Variants in TRIM16 observed in about 807,000 individuals in gnomAD.
TRIM16 encodes the protein tripartite motif-containing protein 16.
TRIM16 carries 33 observed loss-of-function variants against 50.4 expected under a neutral mutation model. The observed-to-expected ratio is 0.65, with a 90% CI of 0.50 to 0.88. The LOEUF (loss-of-function observed/expected upper bound fraction) is 0.88. Ranked by LOEUF, TRIM16 falls within the 40% of genes least tolerant of loss-of-function variation. The pLI is 0.00. For missense variants in TRIM16, 581 were observed against 686.8 expected (o/e 0.85, Z 1.72); for synonymous variants, 229 against 270.7 (o/e 0.85, Z 1.51).
At chr17:15,674,347 TG>T (rs1988839288) in intron 6 of TRIM16, among the ~76,000 whole-genome samples, 1 of 151,148 alleles carries the variant, frequency 6.6e-6, no homozygotes, top group Non-Finnish European at 1.5e-5. Flanking sequence ...TCCAGCCTGG[TG>T]ACAGAGCAAG....
At chr17:15,680,294 TA>T in intron 4 of TRIM16, among the ~76,000 whole-genome samples, 3 of 148,434 alleles carry the variant, frequency 2.0e-5, no homozygotes, top group Middle Eastern at 6.8e-3. Context: ...TCCAAGTCCA[TA>T]CAGCATTTTC....
intron 6 of TRIM16, among the ~76,000 whole-genome samples, chr17:15,674,587 C>T (rs1418684334): frequency 6.6e-6 from 1 of 152,056 alleles, no homozygotes; most frequent in East Asian, 1.9e-4. Context: ...CCTGAGCTCC[C>T]AGCACTGGCA....
chr17:15,662,010 C>A (rs1467806424), intron 6 of TRIM16, among the ~76,000 whole-genome samples: 1 of 152,138 alleles, frequency 6.6e-6, no homozygotes, highest in African/African-American at 2.4e-5. Context: ...TTTGTTTTTT[C>A]TTCCACAGTT....
At chr17:15,670,280 T>C (rs1252026920) in intron 6 of TRIM16, among the ~76,000 whole-genome samples, 3 of 152,126 alleles carry the variant, frequency 2.0e-5, no homozygotes, top group African/African-American at 4.8e-5. Flanking sequence ...ATCCAGACTC[T>C]ATTCCCAGGC....
intron 6 of TRIM16, among the ~76,000 whole-genome samples, chr17:15,666,926 T>C (rs1267863655): frequency 1.3e-5 from 2 of 152,262 alleles, no homozygotes; most frequent in Non-Finnish European, 2.9e-5. Context: ...CTTACGGGCA[T>C]CGTGTAAGAA....
chr17:15,641,131 C>G (rs1331791350), intron 8 of TRIM16, among the ~76,000 whole-genome samples: 1 of 148,128 alleles, frequency 6.8e-6, no homozygotes, highest in Non-Finnish European at 1.5e-5. Context: ...AGGTTGACTT[C>G]TGCTGTGGCC....
rs113357227 is a variant in TRIM16 at position 15,632,806 on chromosome 17, T to C, written c.850-132A>G. 23 of 1,237,986 alleles carry C rather than the reference T, an allele frequency of 1.9e-5. No homozygotes were observed. The African/African-American group carries it at 3.6e-4, about 19-fold the overall frequency. 76.7% of individuals were successfully genotyped at this position (1,237,986 alleles called of 1,614,324 possible). A position where few individuals can be genotyped will look rare whatever the true frequency, so the allele number is the denominator to read the frequency against. ...ATGTGTCCTTCACAAAGAAAGTACA[T>C]GTGAAGTGTCAAGCTCAGGGTCTAA... On this transcript the variant is annotated intron_variant, in intron 9 of 11. Coordinates refer to ENST00000649191, the MANE Select transcript of TRIM16 (RefSeq NM_001348119.1).
intron 11 of TRIM16, among the ~76,000 whole-genome samples, chr17:15,629,740 C>G (rs1986312999): frequency 6.6e-6 from 1 of 152,220 alleles, no homozygotes; most frequent in Non-Finnish European, 1.5e-5. Flanking sequence ...AAGTCAAGCT[C>G]TATGTCATTT....
chr17:15,637,346 G>A (rs1986839881), intron 8 of TRIM16, among the ~76,000 whole-genome samples: 1 of 114,662 alleles, frequency 8.7e-6, no homozygotes, highest in Non-Finnish European at 1.8e-5. Flanking sequence ...GGAGGGAGAT[G>A]GGGGGGTCAG....
At chr17:15,674,859 C>A (rs1988861677) in intron 6 of TRIM16, among the ~76,000 whole-genome samples, 1 of 152,088 alleles carries the variant, frequency 6.6e-6, no homozygotes, top group Non-Finnish European at 1.5e-5. Context: ...TGAGGTAAAG[C>A]AAACAAAAGC....
rs1367504972 is a variant in TRIM16 at position 15,634,351 on chromosome 17, C to T, written c.850-1677G>A. On this transcript the variant is annotated intron_variant, in intron 9 of 11. Transcript: ENST00000649191. ...TCTCGAAAAAACAAAAAAAATTGGC[C>T]GGGCGCGGTGGCTCACTCCTGTAAT... Among the ~76,000 whole-genome samples the T allele has an allele frequency of 1.5e-4, 22 of 142,662 alleles. 2 individuals are homozygous for T. Among genetic ancestry groups the T allele is most frequent in the South Asian group, 1.4e-3 (6 of 4,336 alleles). The allele number at this position is 142,662 out of a possible 152,430, so 93.6% of individuals were successfully genotyped here. A position where few individuals can be genotyped will look rare whatever the true frequency, so the allele number is the denominator to read the frequency against.
rs762243811 is a variant in TRIM16 at position 15,636,138 on chromosome 17, G to A, written c.747C>T (p.Asn249=). The A allele has an allele frequency of 1.6e-5, 25 of 1,610,086 alleles. 2 individuals carry two copies. Among genetic ancestry groups the A allele is most frequent in the South Asian group, 3.3e-5 (3 of 90,552 alleles). Residue 249 remains asparagine, a synonymous_variant, in exon 9 of 12, where the codon AAC becomes AAT. Transcript: ENST00000649191. ...EKEQAALSQA[N]GIKAHLEYRS... is the part of the protein sequence containing the mutation. Reference sequence around the variant, plus strand: ...TGTACTCCAGGTGGGCCTTGATACCGTTGGCCTGGCTCAGCGCAGCTTGCT... The same window carrying A: ...TGTACTCCAGGTGGGCCTTGATACCATTGGCCTGGCTCAGCGCAGCTTGCT...
At chr17:15,654,714 T>C (rs939216070) in intron 6 of TRIM16, among the ~76,000 whole-genome samples, 6 of 152,206 alleles carry the variant, frequency 3.9e-5, no homozygotes, top group African/African-American at 1.4e-4. Context: ...ATGTCTTAAT[T>C]GAATAACTGT....
At position 15,665,379 on chromosome 17, in the gene TRIM16, G is replaced by A. The variant is rs567065665; in HGVS notation, c.-338+11797C>T. Among the ~76,000 whole-genome samples the A allele has an allele frequency of 1.3e-4, 20 of 152,164 alleles. No individual in the cohort carries two copies. The South Asian group carries it at 2.3e-3, about 17-fold the overall frequency. Reference sequence around the variant, plus strand: ...AAAAAATTAGCCGGGCATGGTGGTGGGTGCCTGTAGTCCCAGCTACTCAGG... The same window carrying A: ...AAAAAATTAGCCGGGCATGGTGGTGAGTGCCTGTAGTCCCAGCTACTCAGG... On this transcript the variant is annotated intron_variant, in intron 6 of 11. Coordinates refer to ENST00000649191, the MANE Select transcript of TRIM16 (RefSeq NM_001348119.1).
intron 7 of TRIM16, among the ~76,000 whole-genome samples, chr17:15,648,892 G>T (rs1987547437): frequency 6.6e-6 from 1 of 152,212 alleles, no homozygotes; most frequent in South Asian, 2.1e-4. Context: ...CTTTTAAGCA[G>T]ACCAGAAAGC....
In TRIM16 at chr17:15,651,930, G is replaced by A. The variant is rs1987730319; in HGVS notation, c.-321C>T. ...CCCCATAGGCTCTGCTGAAGACCACGTGTCTCTGTGCCTGCTCTGGAAAGG... is the reference window on the plus strand; with the variant it reads ...CCCCATAGGCTCTGCTGAAGACCACATGTCTCTGTGCCTGCTCTGGAAAGG... On this transcript the variant is annotated 5_prime_UTR_variant, in exon 7 of 12. In the 5' UTR this introduces an upstream ATG that the reference lacks. Transcript: ENST00000649191. 3.9e-6 allele frequency: 5 copies of A among 1,273,918 alleles called. No individual in the cohort carries two copies. The highest frequency in any genetic ancestry group is 4.0e-6 in the Non-Finnish European group (4 of 1,003,740). The allele number at this position is 1,273,918 out of a possible 1,614,324, so 78.9% of individuals were successfully genotyped here.
intron 6 of TRIM16, among the ~76,000 whole-genome samples, chr17:15,672,783 ATAC>A (rs1483856502): frequency 6.6e-6 from 1 of 152,220 alleles, no homozygotes; most frequent in East Asian, 1.9e-4. Flanking sequence ...AGCATAGACC[ATAC>A]TACTAACAGT....
Position 15,677,254 on chromosome 17 carries a change from T to C in TRIM16, c.-416A>G. The C allele has an allele frequency of 1.0e-6, 1 of 985,464 alleles. No individual in the cohort carries two copies. The highest frequency in any genetic ancestry group is 1.2e-6 in the Non-Finnish European group (1 of 829,946). The allele number at this position is 985,464 out of a possible 1,614,324, so 61.0% of individuals were successfully genotyped here. The stretch of plus-strand genomic sequence containing the variant: ...ACCACTTCTTCCAACTAGGAGATGA[T>C]ACCAGGTTTGGAAAATGGAAATCCT... On this transcript the variant is annotated 5_prime_UTR_variant, in exon 6 of 12. Transcript: ENST00000649191.
In TRIM16 at chr17:15,651,261, G is replaced by A; in HGVS notation, c.349C>T (p.His117Tyr). Residue 117 changes from histidine to tyrosine, a missense_variant, in exon 7 of 12, where the codon CAC (histidine) becomes TAC (tyrosine). By Grantham distance (83) the His-to-Tyr change is moderately conservative. Around this residue, in one of 3 missense-constraint regions of TRIM16, gnomAD observed 450 missense variants for 544.3 expected, o/e 0.83. Transcript: ENST00000649191. ...TCCTTCACTGGCTCGGTCAGCAGGT[G>A]GCTTTGCAGTTTGATGTTCACCTGA... ...PHQVNIKLQS[H>Y]LLTEPVKDHN... is the part of the protein sequence containing the mutation. 1 of 1,614,234 alleles carries A rather than the reference G, an allele frequency of 6.2e-7. No individual in the cohort carries two copies.
Sources: allele counts gnomAD v4.1 joint callset (sites outside exome capture counted in the v4.1 genomes callset), GRCh38; gene constraint gnomAD v4.1.1; regional missense constraint gnomAD v4.1.1; transcripts MANE v1.5; gene names NCBI Gene and HGNC (gene_info 2026-07-23, HGNC 2026-07-21).